The following CENPI variants were observed in gnomAD, a reference collection of about 807,000 sequenced individuals.
The protein encoded by CENPI is centromere protein I, also known as FSH primary response 1.
In CENPI, 4 loss-of-function variants were observed where a neutral mutation model predicts 60.4. The ratio of observed to expected loss-of-function variants is 0.07; its 90% confidence interval spans 0.03 to 0.15. CENPI has a LOEUF of 0.15. CENPI is among the 10% of genes least tolerant of loss of function. The pLI is 1.00. For missense variants in CENPI, 444 were observed against 534.5 expected (o/e 0.83, Z 1.67); for synonymous variants, 157 against 189.4 (o/e 0.83, Z 1.40).
Position 101,147,971 on chromosome X carries a change from A to G in CENPI, c.1904A>G (p.Lys635Arg). 11 of 1,205,978 alleles carry G rather than the reference A, an allele frequency of 9.1e-6. No homozygotes were observed. The highest frequency in any genetic ancestry group is 1.2e-5 in the Non-Finnish European group (11 of 893,302). ...KTKSEFNFSS[K>R]TYQEFNHYLT... The stretch of plus-strand genomic sequence containing the variant: ...AAATCAGAGTTCAATTTCAGCAGCA[A>G]GACTTATCAAGAATTTAATCACTAT... The change falls in exon 20 of 22, where the codon AAG becomes AGG. Residue 635 changes from lysine to arginine, a missense_variant. Lys to Arg is a conservative substitution (Grantham distance 26). Coordinates refer to ENST00000682095, the MANE Select transcript of CENPI (RefSeq NM_001386188.2).
chrX:101,131,333 A>G (rs968490830), intron 13 of CENPI, among the ~76,000 whole-genome samples: 20 of 111,721 alleles, frequency 1.8e-4, no homozygotes, highest in Non-Finnish European at 3.4e-4. Flanking sequence ...ATTTGGTGTG[A>G]AACCATTTAA....
At chrX:101,177,509 G>A in the CENPI span, among the ~76,000 whole-genome samples, 1 of 111,764 alleles carries the variant, frequency 8.9e-6, no homozygotes, top group African/African-American at 3.3e-5. Context: ...TTCCCCAGGT[G>A]GTGCATTTAG....
At chrX:101,131,003 T>C (rs2089790217) in intron 13 of CENPI, among the ~76,000 whole-genome samples, 1 of 111,520 alleles carries the variant, frequency 9.0e-6, no homozygotes, top group Non-Finnish European at 1.9e-5. Flanking sequence ...TTCTTTGTTT[T>C]TTTTTAGACA....
intron 15 of CENPI, among the ~76,000 whole-genome samples, chrX:101,138,170 T>C (rs1416345897): frequency 1.0e-5 from 1 of 99,125 alleles, no homozygotes; most frequent in African/African-American, 3.7e-5. Context: ...GTATTTTTAG[T>C]AGAGATGGCG....
Position 101,148,029 on chromosome X carries a change from C to G in CENPI, c.1962C>G (p.Ser654=). The G allele has an allele frequency of 2.5e-6, 3 of 1,190,068 alleles. No homozygotes were observed. The highest frequency in any genetic ancestry group is 3.4e-6 in the Non-Finnish European group (3 of 886,870). ...LTSMVGCLWT[S]KPFGKGIYID... ...CAATGGTTGGTTGCCTGTGGACGTC[C>G]AAACCCTTTGGGAAAGGAATATATA... Residue 654 remains serine, a synonymous_variant, in exon 20 of 22, where the codon TCC becomes TCG. Coordinates refer to ENST00000682095, the MANE Select transcript of CENPI (RefSeq NM_001386188.2).
intron 15 of CENPI, among the ~76,000 whole-genome samples, chrX:101,138,388 A>T (rs1218428522): frequency 2.8e-5 from 3 of 106,774 alleles, no homozygotes; most frequent in Non-Finnish European, 5.8e-5. Context: ...GCCAGGATGG[A>T]GTCCAGTGGC....
chrX:101,126,943 T>A, intron 9 of CENPI, 145 bp downstream of exon 9: 1 of 629,901 alleles, frequency 1.6e-6, no homozygotes, highest in Non-Finnish European at 2.4e-6. Flanking sequence ...AGTTTTTTTT[T>A]AGGAATTGGT....
chrX:101,117,094 A>G (rs771432004), intron 6 of CENPI, among the ~76,000 whole-genome samples: 1 of 112,023 alleles, frequency 8.9e-6, no homozygotes, highest in East Asian at 2.8e-4. Flanking sequence ...CCCTAGATAC[A>G]AGATATATGA....
At chrX:101,118,997 A>G (rs1382881197) in intron 6 of CENPI, among the ~76,000 whole-genome samples, 1 of 110,866 alleles carries the variant, frequency 9.0e-6, no homozygotes, top group Non-Finnish European at 1.9e-5. Flanking sequence ...CCTGAACAAC[A>G]TGGAGAAACC....
At chrX:101,111,729 T>G (rs2089555937) in intron 6 of CENPI, among the ~76,000 whole-genome samples, 1 of 111,661 alleles carries the variant, frequency 9.0e-6, no homozygotes, top group Non-Finnish European at 1.9e-5. Context: ...CTAGCTCCAT[T>G]TTTATTTGAA....
intron 20 of CENPI, among the ~76,000 whole-genome samples, chrX:101,152,781 A>T (rs978856901): frequency 9.8e-6 from 1 of 102,498 alleles, no homozygotes; most frequent in Non-Finnish European, 2.0e-5. Context: ...GTTTTTACTG[A>T]TAAATAATAT....
intron 7 of CENPI, 138 bp from the exon 8 acceptor site, chrX:101,120,600 T>C (rs2089666807): frequency 3.1e-6 from 2 of 651,873 alleles, no homozygotes; most frequent in Non-Finnish European, 4.8e-6. Flanking sequence ...ATCTGCTTAA[T>C]GGCTTAACTG....
chrX:101,155,652 T>C (rs1275047705), intron 20 of CENPI, among the ~76,000 whole-genome samples: 2 of 112,300 alleles, frequency 1.8e-5, no homozygotes, highest in East Asian at 2.8e-4. Flanking sequence ...ATAAATCCTG[T>C]TTGGTGATGG....
At chrX:101,153,914 A>G (rs2090030083) in intron 20 of CENPI, among the ~76,000 whole-genome samples, 2 of 111,738 alleles carry the variant, frequency 1.8e-5, no homozygotes, top group Non-Finnish European at 3.8e-5. Flanking sequence ...TGGGTTTTTT[A>G]AATCAATTTT....
chrX:101,151,223 T>G (rs2090003614), intron 20 of CENPI, among the ~76,000 whole-genome samples: 1 of 111,496 alleles, frequency 9.0e-6, no homozygotes, highest in East Asian at 2.8e-4. Context: ...CTTGAAGGTA[T>G]AGCCCATTGG....
chrX:101,170,026 T>C (rs1012446755), downstream of CENPI, among the ~76,000 whole-genome samples: 2 of 111,947 alleles, frequency 1.8e-5, no homozygotes, highest in African/African-American at 6.5e-5. Context: ...GAAGAAAAGC[T>C]TTTTATAGAT....
chrX:101,098,584 C>G (rs1046962317), intron 2 of CENPI, 45 bp downstream of exon 2: 4 of 111,573 alleles, frequency 3.6e-5, no homozygotes, highest in Non-Finnish European at 7.5e-5. Flanking sequence ...CTATTTGCAG[C>G]CAAAAACTTA....
chrX:101,119,277 T>C (rs2089652940), intron 6 of CENPI, among the ~76,000 whole-genome samples: 1 of 112,470 alleles, frequency 8.9e-6, no homozygotes, highest in African/African-American at 3.2e-5. Context: ...AGAGGCAGTA[T>C]GGAATATGCT....
intron 6 of CENPI, among the ~76,000 whole-genome samples, chrX:101,119,467 A>G (rs1216025167): frequency 8.9e-6 from 1 of 112,044 alleles, no homozygotes; most frequent in Non-Finnish European, 1.9e-5. Flanking sequence ...CTGAGCATGA[A>G]GGCCATATTG....
Sources: allele counts gnomAD v4.1 joint callset (sites outside exome capture counted in the v4.1 genomes callset), GRCh38; gene constraint gnomAD v4.1.1; transcripts MANE v1.5; gene names NCBI Gene and HGNC (gene_info 2026-07-23, HGNC 2026-07-21).